Variants in MYO3B observed in about 807,000 individuals in gnomAD.
The protein encoded by MYO3B is myosin IIIB.
In MYO3B, 156 loss-of-function variants were observed where a neutral mutation model predicts 174.6. The observed-to-expected ratio is 0.89, with a 90% CI of 0.78 to 1.02. The LOEUF (loss-of-function observed/expected upper bound fraction) is 1.02, where lower values mean the gene tolerates loss of function less well. Ranked by LOEUF, MYO3B falls within the 50% of genes least tolerant of loss-of-function variation. The pLI is 0.00. For missense variants in MYO3B, 1,632 were observed against 1,639.4 expected (o/e 1.00, Z 0.08); for synonymous variants, 563 against 569.1 (o/e 0.99, Z 0.15).
chr2:170,462,938 C>T (rs760904532), intron 23 of MYO3B, among the ~76,000 whole-genome samples: 3 of 152,214 alleles, frequency 2.0e-5, no homozygotes, highest in Non-Finnish European at 4.4e-5. Flanking sequence ...AGTCTGACGA[C>T]GTGGAAGGCA....
At chr2:170,211,638 T>A (rs534535684) in intron 3 of MYO3B, among the ~76,000 whole-genome samples, 1 of 152,242 alleles carries the variant, frequency 6.6e-6, no homozygotes, top group South Asian at 2.1e-4. Context: ...AATCAGCAAA[T>A]GGCAGAAGTC....
intron 8 of MYO3B, among the ~76,000 whole-genome samples, chr2:170,359,313 C>T (rs752812673): frequency 6.6e-6 from 1 of 152,160 alleles, no homozygotes; most frequent in Non-Finnish European, 1.5e-5. Flanking sequence ...CTTGACTTGT[C>T]TTCAAGTTCC....
At chr2:170,562,679 A>C (rs1005513462) in intron 32 of MYO3B, among the ~76,000 whole-genome samples, 1 of 152,190 alleles carries the variant, frequency 6.6e-6, no homozygotes, top group Non-Finnish European at 1.5e-5. Flanking sequence ...ATTGACAGAT[A>C]TTTGAGTCAT....
At chr2:170,248,108 A>G (rs1320337705) in intron 7 of MYO3B, among the ~76,000 whole-genome samples, 2 of 152,056 alleles carry the variant, frequency 1.3e-5, no homozygotes, top group African/African-American at 4.8e-5. Context: ...TCTTGTGTTC[A>G]TGCTGCATTA....
Position 170,199,392 on chromosome 2 carries a change from G to A in MYO3B, c.186+1G>A, listed in dbSNP as rs1433657150. ...AGTGAAAATTCTGGATCCAGTCAGT[G>A]TAAGTAACAGTTGTAAATTATAACC... On this transcript the variant is annotated splice_donor_variant, in intron 2 of 34. Transcript: ENST00000408978. LOFTEE classifies it high-confidence loss of function. 2 of 1,591,272 alleles carry A rather than the reference G, an allele frequency of 1.3e-6. No individual in the cohort carries two copies. Among genetic ancestry groups the A allele is most frequent in the African/African-American group, 2.7e-5 (2 of 73,798 alleles).
intron 32 of MYO3B, among the ~76,000 whole-genome samples, chr2:170,634,460 A>C (rs1697287882): frequency 6.7e-6 from 1 of 148,858 alleles, no homozygotes. Flanking sequence ...CCTTATACAA[A>C]AATTAATTCA....
intron 9 of MYO3B, among the ~76,000 whole-genome samples, chr2:170,381,156 C>T (rs1195369991): frequency 6.6e-6 from 1 of 151,694 alleles, no homozygotes; most frequent in African/African-American, 2.4e-5. Context: ...ATTTTAAAAA[C>T]AACAACCCCC....
chr2:170,606,210 T>TA (rs150393915), intron 32 of MYO3B, among the ~76,000 whole-genome samples: 13,194 of 150,588 alleles, frequency 0.088, 641 homozygotes, highest in South Asian at 0.15. Context: ...CCCATTGACT[T>TA]AAAAAAAAAA....
chr2:170,311,059 A>G (rs2093735870), intron 7 of MYO3B, among the ~76,000 whole-genome samples: 1 of 152,124 alleles, frequency 6.6e-6, no homozygotes, highest in African/African-American at 2.4e-5. Context: ...CCTTTTGTCT[A>G]TTGTGAATAG....
At chr2:170,200,353 C>T in intron 3 of MYO3B, 69 bp downstream of exon 3, 1 of 1,544,522 alleles carries the variant, frequency 6.5e-7, no homozygotes, top group East Asian at 2.3e-5. Context: ...GCTTTATTAC[C>T]TAGAGGGTGT....
intron 22 of MYO3B, among the ~76,000 whole-genome samples, chr2:170,416,818 GTTTTTTTTTTTT>G (rs552594236): frequency 8.6e-6 from 1 of 116,124 alleles, no homozygotes; most frequent in Admixed American, 9.0e-5. Context: ...TTTTTCTGTT[GTTTTTTTTTTTT>G]TTTTTTTTTT....
chr2:170,451,669 T>C (rs1032670694), intron 23 of MYO3B, among the ~76,000 whole-genome samples: 6 of 152,228 alleles, frequency 3.9e-5, no homozygotes, highest in African/African-American at 1.4e-4. Flanking sequence ...AGCACTTTCA[T>C]ATATAAACAT....
intron 32 of MYO3B, among the ~76,000 whole-genome samples, chr2:170,552,445 T>C (rs1238998843): frequency 6.6e-6 from 1 of 152,132 alleles, no homozygotes; most frequent in Admixed American, 6.5e-5. Context: ...TCTCTAGAGA[T>C]CTGTGGAACT....
chr2:170,336,310 C>T (rs1442114611), intron 8 of MYO3B, among the ~76,000 whole-genome samples: 2 of 151,614 alleles, frequency 1.3e-5, no homozygotes, highest in African/African-American at 4.8e-5. Context: ...AAGAAGTGAC[C>T]AAATTAGCTG....
chr2:170,221,569 T>G (rs1016896788), intron 6 of MYO3B, among the ~76,000 whole-genome samples: 7 of 152,134 alleles, frequency 4.6e-5, no homozygotes, highest in Non-Finnish European at 8.8e-5. Context: ...ACTACCTCAT[T>G]TGGACACTAC....
chr2:170,280,482 C>T (rs544025897), intron 7 of MYO3B, among the ~76,000 whole-genome samples: 45 of 152,128 alleles, frequency 3.0e-4, no homozygotes, highest in African/African-American at 9.6e-4. Flanking sequence ...TCCCACTTGT[C>T]AATTTTTGCT....
At chr2:170,263,861 G>C (rs951310826) in intron 7 of MYO3B, among the ~76,000 whole-genome samples, 2 of 152,108 alleles carry the variant, frequency 1.3e-5, no homozygotes. Flanking sequence ...ACCCTTTACC[G>C]GTATCTCGGG....
At chr2:170,208,716 C>T (rs1457808638) in intron 3 of MYO3B, among the ~76,000 whole-genome samples, 2 of 152,148 alleles carry the variant, frequency 1.3e-5, no homozygotes, top group African/African-American at 4.8e-5. Flanking sequence ...TCTCTATCTC[C>T]AGTCCCTCAT....
intron 8 of MYO3B, among the ~76,000 whole-genome samples, chr2:170,364,815 A>G (rs1023771442): frequency 6.6e-6 from 1 of 152,200 alleles, no homozygotes; most frequent in African/African-American, 2.4e-5. Context: ...ACCAAACTAC[A>G]AAGTCTTAAG....
Sources: allele counts gnomAD v4.1 joint callset (sites outside exome capture counted in the v4.1 genomes callset), GRCh38; gene constraint gnomAD v4.1.1; transcripts MANE v1.5; gene names NCBI Gene and HGNC (gene_info 2026-07-23, HGNC 2026-07-21).